The following USP34 variants were observed in gnomAD, a reference collection of about 807,000 sequenced individuals.
USP34 encodes ubiquitin carboxyl-terminal hydrolase 34.
USP34 carries 70 observed loss-of-function variants against 460.3 expected under a neutral mutation model. The observed-to-expected ratio is 0.15, with a 90% CI of 0.13 to 0.19. The LOEUF is 0.19. Ranked by LOEUF, USP34 falls within the 10% of genes least tolerant of loss-of-function variation. The probability of loss-of-function intolerance (pLI) is 1.00; values close to 1 mark genes in which losing one functional copy is unlikely to be tolerated. For synonymous variants in USP34, 1,647 were observed against 1,405.3 expected (o/e 1.17, Z -3.85); for missense variants, 3,985 against 4,236.2 (o/e 0.94, Z 1.65).
At position 61,187,540 on chromosome 2, in the gene USP34, C is replaced by CAATT. The variant is rs1686465574; in HGVS notation, c.*558_*561dup. ...ATCAGTCATGTCAATAAAAATAAAA[C>CAATT]AATTATTTTTACATCAAGTGTGCTT... On this transcript the variant is annotated 3_prime_UTR_variant, in exon 80 of 80. Transcript: ENST00000398571. 2.0e-6 allele frequency: 2 copies of CAATT among 975,660 alleles called. No homozygotes were observed. The highest frequency in any genetic ancestry group is 1.8e-5 in the African/African-American group (1 of 56,908). 60.4% of individuals were successfully genotyped at this position (975,660 alleles called of 1,614,324 possible).
At chr2:61,452,437 G>A (rs1405081364) in intron 1 of USP34, among the ~76,000 whole-genome samples, 2 of 148,412 alleles carry the variant, frequency 1.3e-5, no homozygotes. Context: ...AGATTCTCGT[G>A]CCTCAGCCTC....
At chr2:61,204,216 G>A in intron 74 of USP34, 40 bp downstream of exon 74, 1 of 1,613,408 alleles carries the variant, frequency 6.2e-7, no homozygotes. Flanking sequence ...AAATTACTTT[G>A]TACTATAGCA....
chr2:61,366,258 A>C, intron 10 of USP34, among the ~76,000 whole-genome samples: 1 of 152,190 alleles, frequency 6.6e-6, no homozygotes, highest in East Asian at 1.9e-4. Flanking sequence ...TAGGTAAAGA[A>C]AGTTGTAGCT....
intron 34 of USP34, among the ~76,000 whole-genome samples, chr2:61,287,183 T>A (rs1432030592): frequency 6.6e-6 from 1 of 152,176 alleles, no homozygotes; most frequent in Non-Finnish European, 1.5e-5. Flanking sequence ...AAAAAGGAAA[T>A]CTGCTTCAGG....
intron 18 of USP34, 22 bp downstream of exon 18, chr2:61,339,326 TAAA>T: frequency 9.4e-6 from 15 of 1,595,888 alleles, no homozygotes; most frequent in Non-Finnish European, 1.2e-5. Flanking sequence ...ACTACTGCAT[TAAA>T]AATTTTTAAA....
Position 61,331,278 on chromosome 2 carries a change from T to C in USP34, c.2928A>G (p.Ala976=), listed in dbSNP as rs762264709. 1 of 1,610,872 alleles carries C rather than the reference T, an allele frequency of 6.2e-7. No homozygotes were observed. Among genetic ancestry groups the C allele is most frequent in the Non-Finnish European group, 8.5e-7 (1 of 1,178,040 alleles). Residue 976 remains alanine, a splice_region_variant and synonymous_variant, in exon 20 of 80, where the codon GCA becomes GCG. Coordinates refer to ENST00000398571, the MANE Select transcript of USP34 (RefSeq NM_014709.4). The part of the protein sequence containing the change: ...QTVREGRQKH[A]LYSHSAEVQV... ...TAACCCAGTTGAGAGGTACTTACAG[T>C]GCATGTTTTTGTCTTCCTTCTCTCA...
intron 43 of USP34, 106 bp downstream of exon 43, chr2:61,265,291 T>C (rs1395533689): frequency 2.3e-6 from 3 of 1,292,268 alleles, no homozygotes; most frequent in Non-Finnish European, 3.2e-6. Context: ...TTACTTTTAT[T>C]CACAAATTAT....
chr2:61,470,313 C>G (rs570088192), intron 1 of USP34, among the ~76,000 whole-genome samples: 1 of 152,302 alleles, frequency 6.6e-6, no homozygotes, highest in Admixed American at 6.5e-5. Flanking sequence ...CCGCACCTTC[C>G]CGGCAGGGCG....
intron 1 of USP34, among the ~76,000 whole-genome samples, chr2:61,440,899 G>C (rs1009040638): frequency 2.0e-5 from 3 of 151,798 alleles, no homozygotes; most frequent in Admixed American, 6.6e-5. Flanking sequence ...AGGCCGAGAC[G>C]GGTGGATCAT....
intron 27 of USP34, 146 bp from the exon 28 acceptor site, chr2:61,301,600 G>A: frequency 1.4e-6 from 1 of 704,070 alleles, no homozygotes; most frequent in Admixed American, 3.0e-5. Context: ...AGTAGATTGA[G>A]GATAGTTATT....
intron 1 of USP34, among the ~76,000 whole-genome samples, chr2:61,460,641 T>C (rs1695571118): frequency 1.1e-5 from 1 of 93,344 alleles, no homozygotes; most frequent in Admixed American, 1.1e-4. Context: ...GGGAATACTG[T>C]ATACCCTTTT....
At position 61,236,636 on chromosome 2, in the gene USP34, G is replaced by A. The variant is rs188093239; in HGVS notation, c.6778-247C>T. 2.8e-4 allele frequency among the ~76,000 whole-genome samples: 42 copies of A among 152,192 alleles called. No individual in the cohort carries two copies. The East Asian group carries it at 7.7e-3, about 28-fold the overall frequency. ...AGGTTTTTATTGTATTTATAAAAAT[G>A]CTGCAAGAATTCTGAAATCCTATTT... On this transcript the variant is annotated intron_variant, in intron 53 of 79. Coordinates refer to ENST00000398571, the MANE Select transcript of USP34 (RefSeq NM_014709.4).
chr2:61,215,848 TACA>T (rs1451031805), intron 67 of USP34, among the ~76,000 whole-genome samples: 2 of 152,192 alleles, frequency 1.3e-5, no homozygotes, highest in Non-Finnish European at 2.9e-5. Context: ...CACTCAGGCT[TACA>T]ACAATGGGAC....
chr2:61,399,260 T>C (rs1004166690), intron 3 of USP34, among the ~76,000 whole-genome samples: 4 of 151,038 alleles, frequency 2.6e-5, no homozygotes, highest in Non-Finnish European at 5.9e-5. Context: ...GAGAATTGCT[T>C]GAATCCCGGA....
intron 7 of USP34, among the ~76,000 whole-genome samples, chr2:61,379,637 T>C (rs1021027092): frequency 1.6e-4 from 25 of 151,866 alleles, no homozygotes; most frequent in Admixed American, 1.6e-3. Context: ...TACTTAGTTC[T>C]AACAGACTGT....
chr2:61,405,837 C>T lies in USP34; in HGVS notation c.423G>A (p.Lys141=). ...TCCATAAACTAAAAGGATCAGAACT[C>T]TTTGAAGATTCCTCCTCAGTCAGAT... is the stretch of plus-strand genomic sequence containing the variant. ...ICNLTEEESS[K]SSDPFSLWST... Residue 141 remains lysine, a synonymous_variant, in exon 3 of 80, where the codon AAG becomes AAA. Coordinates refer to ENST00000398571, the MANE Select transcript of USP34 (RefSeq NM_014709.4). The T allele has an allele frequency of 6.2e-7, 1 of 1,613,806 alleles. No individual in the cohort carries two copies. The highest frequency in any genetic ancestry group is 8.5e-7 in the Non-Finnish European group (1 of 1,179,928).
intron 3 of USP34, among the ~76,000 whole-genome samples, chr2:61,401,028 G>A (rs993296070): frequency 2.0e-5 from 3 of 151,186 alleles, no homozygotes; most frequent in East Asian, 4.0e-4. Context: ...GTGCGCGCCT[G>A]TAGTCCCAGC....
intron 73 of USP34, 52 bp from the exon 74 acceptor site, chr2:61,204,432 T>A (rs539861151): frequency 1.9e-6 from 3 of 1,613,162 alleles, no homozygotes; most frequent in East Asian, 4.5e-5. Flanking sequence ...TAAATCTCCA[T>A]GCTTCAGTGT....
intron 75 of USP34, among the ~76,000 whole-genome samples, chr2:61,196,450 C>T (rs545281219): frequency 2.0e-5 from 3 of 152,118 alleles, no homozygotes; most frequent in South Asian, 2.1e-4. Flanking sequence ...ATCTCCCATT[C>T]GTGAGCTCAA....
Sources: allele counts gnomAD v4.1 joint callset (sites outside exome capture counted in the v4.1 genomes callset), GRCh38; gene constraint gnomAD v4.1.1; transcripts MANE v1.5; gene names NCBI Gene and HGNC (gene_info 2026-07-23, HGNC 2026-07-21).